ELP4: variants seen among roughly 807,000 people sequenced by gnomAD.
ELP4 encodes elongator complex protein 4.
ELP4 carries 51 observed loss-of-function variants against 48.9 expected under a neutral mutation model. The ratio of observed to expected loss-of-function variants is 1.04; its 90% CI spans 0.83 to 1.32. The LOEUF (loss-of-function observed/expected upper bound fraction) is 1.32, where lower values mean the gene tolerates loss of function less well. ELP4 is among the 40% of genes most tolerant of loss of function. ELP4 has a pLI of 0.00. For synonymous variants in ELP4, 210 were observed against 189.2 expected (o/e 1.11, Z -0.90); for missense variants, 519 against 514.6 (o/e 1.01, Z -0.08).
chr11:31,557,172 T>C lies in ELP4; in HGVS notation c.381+17389T>C, dbSNP rs556776272. Among the ~76,000 whole-genome samples, 4 of 151,974 alleles carry C rather than the reference T, an allele frequency of 2.6e-5. No individual in the cohort carries two copies. The South Asian group carries it at 6.2e-4, about 24-fold the overall frequency. ...ATTTAGACTAACATCTTTTAAATTT[T>C]TTTTATGGACTTTAAGGTCCATAAG... On this transcript the variant is annotated intron_variant, in intron 3 of 9. Transcript: ENST00000640961.
chr11:31,533,137 A>G (rs1210106177), intron 2 of ELP4, among the ~76,000 whole-genome samples: 3 of 151,994 alleles, frequency 2.0e-5, no homozygotes, highest in Non-Finnish European at 4.4e-5. Flanking sequence ...TCTTCATGTT[A>G]TCACCCAAAT....
chr11:31,671,171 C>T (rs1945798141), intron 9 of ELP4, among the ~76,000 whole-genome samples: 1 of 152,044 alleles, frequency 6.6e-6, no homozygotes, highest in Non-Finnish European at 1.5e-5. Flanking sequence ...AAAATAAAAC[C>T]ATAAAATAAA....
At chr11:31,706,191 C>G (rs1272985530) in intron 9 of ELP4, among the ~76,000 whole-genome samples, 1 of 151,974 alleles carries the variant, frequency 6.6e-6, no homozygotes, top group East Asian at 1.9e-4. Flanking sequence ...TTAATAAATA[C>G]ATAGGGATTA....
At chr11:31,736,370 A>G (rs1227533131) in intron 9 of ELP4, among the ~76,000 whole-genome samples, 5 of 152,148 alleles carry the variant, frequency 3.3e-5, no homozygotes, top group Admixed American at 6.6e-5. Flanking sequence ...AACCATAAAA[A>G]CCCTAGAAAA....
intron 2 of ELP4, among the ~76,000 whole-genome samples, chr11:31,524,745 CTA>C (rs1370879265): frequency 2.6e-5 from 4 of 152,180 alleles, no homozygotes; most frequent in Non-Finnish European, 5.9e-5. Context: ...ATTTGCTAAG[CTA>C]TATTATTCTT....
At chr11:31,581,415 A>C (rs1403762212) in intron 3 of ELP4, among the ~76,000 whole-genome samples, 1 of 152,240 alleles carries the variant, frequency 6.6e-6, no homozygotes, top group Non-Finnish European at 1.5e-5. Context: ...ATGTCTGATA[A>C]TGTCTTAATT....
intron 5 of ELP4, among the ~76,000 whole-genome samples, chr11:31,625,009 A>G (rs1056409616): frequency 2.0e-5 from 3 of 151,024 alleles, no homozygotes; most frequent in Admixed American, 6.6e-5. Context: ...ACCTGAGTCT[A>G]TCTTATTGTT....
At chr11:31,552,819 T>C (rs914075111) in intron 3 of ELP4, among the ~76,000 whole-genome samples, 1 of 152,148 alleles carries the variant, frequency 6.6e-6, no homozygotes, top group Non-Finnish European at 1.5e-5. Flanking sequence ...TTAAAGGCCC[T>C]AGCTAATATT....
intron 9 of ELP4, chr11:31,714,809 G>GT (rs375575039): frequency 2.0e-5 from 8 of 397,948 alleles, no homozygotes; most frequent in Admixed American, 4.4e-5. Flanking sequence ...CAACTCTCTG[G>GT]TTTTTTTTCT....
chr11:31,764,005 T>G (rs1271499555), intron 9 of ELP4, among the ~76,000 whole-genome samples: 2 of 152,146 alleles, frequency 1.3e-5, no homozygotes, highest in Admixed American at 1.3e-4. Flanking sequence ...AAATGAAGTT[T>G]CTAATTTTTT....
intron 9 of ELP4, among the ~76,000 whole-genome samples, chr11:31,773,177 T>G (rs1948184138): frequency 6.6e-6 from 1 of 152,240 alleles, no homozygotes; most frequent in African/African-American, 2.4e-5. Flanking sequence ...CAATACAGTT[T>G]CCTCAGGACT....
intron 2 of ELP4, among the ~76,000 whole-genome samples, chr11:31,538,724 T>A (rs1475595714): frequency 6.6e-6 from 1 of 152,048 alleles, no homozygotes; most frequent in Non-Finnish European, 1.5e-5. Flanking sequence ...TATTTGGTTT[T>A]ATGATATTTA....
chr11:31,789,666 C>T lies in ELP4; in HGVS notation c.*6142C>T, dbSNP rs1364508324. ...TTTTTTTCATTATAACATACAAATG[C>T]CCATTTACAAATAATACACCAAAAT... On this transcript the variant is annotated 3_prime_UTR_variant, in exon 10 of 10. Transcript: ENST00000640961. 1.4e-6 allele frequency: 1 copy of T among 701,124 alleles called. No homozygotes were observed. Among genetic ancestry groups the T allele is most frequent in the African/African-American group, 1.8e-5 (1 of 56,986 alleles). 43.4% of individuals were successfully genotyped at this position (701,124 alleles called of 1,614,324 possible). A position where few individuals can be genotyped will look rare whatever the true frequency, so the allele number is the denominator to read the frequency against.
intron 3 of ELP4, among the ~76,000 whole-genome samples, chr11:31,579,659 A>G (rs1334609923): frequency 2.0e-5 from 3 of 152,016 alleles, no homozygotes; most frequent in Non-Finnish European, 4.4e-5. Context: ...GCTGGAAACC[A>G]TCATTCTGAG....
chr11:31,712,294 A>C (rs951343307), intron 9 of ELP4, among the ~76,000 whole-genome samples: 11 of 152,130 alleles, frequency 7.2e-5, no homozygotes, highest in African/African-American at 2.7e-4. Flanking sequence ...TGTTTTAAGC[A>C]TATGTTATCT....
At chr11:31,680,286 C>T (rs911514168) in intron 9 of ELP4, among the ~76,000 whole-genome samples, 1 of 152,092 alleles carries the variant, frequency 6.6e-6, no homozygotes, top group African/African-American at 2.4e-5. Context: ...AAATTAAGCA[C>T]TTATTGGTTC....
At position 31,657,324 on chromosome 11, in the gene ELP4, C is replaced by T. The variant is rs555561326; in HGVS notation, c.1143+7103C>T. Among the ~76,000 whole-genome samples, 177 of 152,104 alleles carry T rather than the reference C, an allele frequency of 1.2e-3. 3 individuals are homozygous for T. In the South Asian group the frequency reaches 0.014, roughly 12 times the overall value. On this transcript the variant is annotated intron_variant, in intron 9 of 9. Transcript: ENST00000640961. ...CTCCTCCTTAGAGAAGTCTGACTGG[C>T]CTGTCTGAAGTGTTCACTGAGTTAC... is the stretch of plus-strand genomic sequence containing the variant.
At chr11:31,585,350 C>T (rs984232285) in intron 3 of ELP4, among the ~76,000 whole-genome samples, 11 of 151,524 alleles carry the variant, frequency 7.3e-5, no homozygotes, top group Admixed American at 4.6e-4. Context: ...GAATGGGAAC[C>T]GAATACTCAC....
At chr11:31,518,052 A>G (rs1956148261) in intron 1 of ELP4, among the ~76,000 whole-genome samples, 1 of 152,240 alleles carries the variant, frequency 6.6e-6, no homozygotes, top group South Asian at 2.1e-4. Context: ...AGTGAAGAGC[A>G]AAGTATAAGT....
Sources: gnomAD v4.1 joint callset for allele counts (sites outside exome capture counted in the v4.1 genomes callset) on GRCh38, gnomAD v4.1.1 for gene constraint, MANE v1.5 for transcripts, NCBI Gene and HGNC (gene_info 2026-07-23, HGNC 2026-07-21) for gene names.